The following CEP72 variants were observed in gnomAD, a reference collection of about 807,000 sequenced individuals.
The protein encoded by CEP72 is centrosomal protein of 72 kDa.
A neutral mutation model predicts 65.7 loss-of-function variants in CEP72; 78 were observed. The ratio of observed to expected loss-of-function variants is 1.19; its 90% CI spans 0.99 to 1.43. CEP72 has a LOEUF of 1.43. Among genes scored for constraint, CEP72 ranks in the 40% most tolerant of loss-of-function variants. CEP72 has a pLI of 0.00. For missense variants in CEP72, 914 were observed against 832.9 expected (o/e 1.10, Z -1.20); for synonymous variants, 358 against 351.7 (o/e 1.02, Z -0.20).
downstream of CEP72, among the ~76,000 whole-genome samples, chr5:670,731 C>T (rs1258718955): frequency 5.9e-5 from 9 of 152,158 alleles, no homozygotes; most frequent in African/African-American, 9.7e-5. Flanking sequence ...GCCTGTTGGC[C>T]GCCCCTGCCT....
intron 9 of CEP72, chr5:642,050 CTAGAAG>C (rs1738078402): frequency 1.0e-6 from 1 of 982,778 alleles, no homozygotes; most frequent in Admixed American, 6.3e-5. Context: ...GGTCCCCCGT[CTAGAAG>C]CCTCTGCATT....
At chr5:666,042 CTT>C (rs763956946) in exon 4 of CEP72, 2 of 1,611,934 alleles carry the variant, frequency 1.2e-6, no homozygotes, top group Non-Finnish European at 1.7e-6. Flanking sequence ...CCTCGCTGCT[CTT>C]GTCTTTGAAT....
chr5:635,009 C>T (rs902272897), intron 5 of CEP72, among the ~76,000 whole-genome samples: 1 of 152,206 alleles, frequency 6.6e-6, no homozygotes, highest in African/African-American at 2.4e-5. Flanking sequence ...GATTCTCCTG[C>T]CTCAGCCTCC....
chr5:643,660 C>G, intron 9 of CEP72: 1 of 985,382 alleles, frequency 1.0e-6, no homozygotes, highest in Non-Finnish European at 1.2e-6. Context: ...CCTGAGAGAG[C>G]AGCAGCCAGG....
At chr5:664,003 G>A (rs1348328781) in intron 2 of CEP72, 3 of 152,596 alleles carry the variant, frequency 2.0e-5, no homozygotes, top group Non-Finnish European at 4.4e-5. Flanking sequence ...GAGTGTCCTG[G>A]ATGGGCTCTG....
downstream of CEP72, among the ~76,000 whole-genome samples, chr5:654,564 T>G (rs1271679766): frequency 6.6e-6 from 1 of 152,200 alleles, no homozygotes; most frequent in African/African-American, 2.4e-5. Flanking sequence ...TGCCCTCTTG[T>G]GTCACCTCTC....
intron 9 of CEP72, chr5:642,918 G>A (rs1738154316): frequency 1.0e-6 from 1 of 985,374 alleles, no homozygotes; most frequent in Admixed American, 6.1e-5. Flanking sequence ...TCCTTTGGAA[G>A]CTGCAGTCGG....
At chr5:673,499 G>GGGCTCCAGA in the CEP72 span, among the ~76,000 whole-genome samples, 2 of 152,106 alleles carry the variant, frequency 1.3e-5, no homozygotes, top group Non-Finnish European at 2.9e-5. Context: ...CCTCCCCTCA[G>GGGCTCCAGA]GCCGGAGTCC....
In CEP72 at chr5:628,682, T is replaced by TTGC. The variant is rs1561037324; in HGVS notation, c.512+4103_512+4104insTGC. ...TTGTGCAGCTTCTGGAGAACTCAGG[T>TTGC]CACAGGCCCCGGGGAGTGTTCCCAG... On this transcript the variant is annotated intron_variant, in intron 4 of 11. Transcript: ENST00000264935. Among the ~76,000 whole-genome samples, 6 of 113,728 alleles carry TTGC rather than the reference T, an allele frequency of 5.3e-5. 1 individual carries two copies. The highest frequency in any genetic ancestry group is 1.2e-4 in the African/African-American group (4 of 32,290). 74.6% of individuals were successfully genotyped at this position (113,728 alleles called of 152,430 possible).
At chr5:636,727 T>C (rs1434624853) in intron 6 of CEP72, among the ~76,000 whole-genome samples, 1 of 151,246 alleles carries the variant, frequency 6.6e-6, no homozygotes, top group Non-Finnish European at 1.5e-5. Flanking sequence ...TGAGAATCGC[T>C]TGAACCTGGG....
intron 1 of CEP72, among the ~76,000 whole-genome samples, chr5:616,359 T>G (rs149479972): frequency 2.4e-4 from 37 of 152,338 alleles, no homozygotes; most frequent in African/African-American, 8.2e-4. Flanking sequence ...TAAGACTAGT[T>G]TTTCCTTTGT....
intron 10 of CEP72, among the ~76,000 whole-genome samples, chr5:647,313 G>A (rs569604046): frequency 3.0e-4 from 45 of 152,370 alleles, no homozygotes; most frequent in African/African-American, 1.0e-3. Flanking sequence ...TGGAAATCCA[G>A]AAACAGGCAG....
chr5:617,863 T>C (rs1736095776), intron 1 of CEP72, among the ~76,000 whole-genome samples: 1 of 152,228 alleles, frequency 6.6e-6, no homozygotes, highest in Non-Finnish European at 1.5e-5. Context: ...AGACTCCATC[T>C]GAAAACAAAA....
intron 9 of CEP72, 159 bp from the exon 10 acceptor site, chr5:644,140 C>T: frequency 2.6e-6 from 2 of 764,166 alleles, no homozygotes; most frequent in East Asian, 2.6e-5. Flanking sequence ...GGGCTGGGAG[C>T]AGGGAGATGT....
At chr5:656,215 C>A (rs1020341043), downstream of CEP72, among the ~76,000 whole-genome samples, 2 of 152,192 alleles carry the variant, frequency 1.3e-5, no homozygotes, top group Non-Finnish European at 2.9e-5. Flanking sequence ...ATCTCCTTGT[C>A]TGTCTCTGCC....
At chr5:673,655 C>G in the CEP72 span, among the ~76,000 whole-genome samples, 1 of 152,220 alleles carries the variant, frequency 6.6e-6, no homozygotes, top group Admixed American at 6.5e-5. Context: ...TCTGCTCCCC[C>G]AGACCTTGAC....
At chr5:640,765 C>T (rs1325767794) in intron 9 of CEP72, 161 bp downstream of exon 9, 11 of 985,346 alleles carry the variant, frequency 1.1e-5, no homozygotes, top group African/African-American at 1.7e-5. Context: ...ACCCCCGGAA[C>T]GCGGCCTGCC....
rs1177212443 is a variant in CEP72 at position 640,527 on chromosome 5, C to T, written c.1462C>T (p.Leu488Phe). 2 of 1,614,086 alleles carry T rather than the reference C, an allele frequency of 1.2e-6. No homozygotes were observed. Among genetic ancestry groups the T allele is most frequent in the Non-Finnish European group, 1.7e-6 (2 of 1,180,052 alleles). ...ALESKSLQSR[L>F]AEQQQQHARE... The stretch of plus-strand genomic sequence containing the variant: ...GGAGAGTAAGTCCCTGCAAAGCCGC[C>T]TTGCTGAGCAGCAGCAGCAGCACGC... The change falls in exon 9 of 12, where the codon CTT (leucine) becomes TTT (phenylalanine). Residue 488 changes from leucine to phenylalanine, a missense_variant. Leu to Phe is a conservative substitution (Grantham distance 22). Coordinates refer to ENST00000264935, the MANE Select transcript of CEP72 (RefSeq NM_018140.4).
chr5:666,186 G>T, intron 4 of CEP72: 1 of 1,574,674 alleles, frequency 6.4e-7, no homozygotes, highest in South Asian at 1.1e-5. Context: ...CTCCCCACGC[G>T]TGGGTCTGAG....
Sources: allele counts gnomAD v4.1 joint callset (sites outside exome capture counted in the v4.1 genomes callset), GRCh38; gene constraint gnomAD v4.1.1; transcripts MANE v1.5; gene names NCBI Gene and HGNC (gene_info 2026-07-23, HGNC 2026-07-21).